Variants in NFIA observed in about 807,000 individuals in gnomAD.
NFIA encodes the protein nuclear factor 1 A-type.
In NFIA, 8 loss-of-function variants were observed where a neutral mutation model predicts 62.8. The ratio of observed to expected loss-of-function variants is 0.13; its 90% CI spans 0.07 to 0.23. The LOEUF (loss-of-function observed/expected upper bound fraction) is 0.23, where lower values mean the gene tolerates loss of function less well. NFIA is among the 10% of genes least tolerant of loss of function. The probability of loss-of-function intolerance (pLI) is 1.00; values close to 1 mark genes in which losing one functional copy is unlikely to be tolerated. For missense variants in NFIA, 410 were observed against 642.1 expected (o/e 0.64, Z 3.91); for synonymous variants, 235 against 238.1 (o/e 0.99, Z 0.12).
In NFIA at chr1:61,456,391, A is replaced by C. The variant is rs1488296303; in HGVS notation, c.*1071A>C. 4 of 152,370 alleles carry C rather than the reference A, an allele frequency of 2.6e-5. No individual in the cohort carries two copies. The highest frequency in any genetic ancestry group is 4.8e-5 in the African/African-American group (2 of 41,402). The allele number at this position is 152,370 out of a possible 1,614,324, so 9.4% of individuals were successfully genotyped here. A position where few individuals can be genotyped will look rare whatever the true frequency, so the allele number is the denominator to read the frequency against. Reference sequence around the variant, plus strand: ...AAGGAAATTAAAAAAAAAAAACAAAAAAACAAATCTAATGGTGCTTTTACC... The same window carrying C: ...AAGGAAATTAAAAAAAAAAAACAAACAAACAAATCTAATGGTGCTTTTACC... On this transcript the variant is annotated 3_prime_UTR_variant, in exon 11 of 11. Coordinates refer to ENST00000403491, the MANE Select transcript of NFIA (RefSeq NM_001134673.4).
intron 2 of NFIA, among the ~76,000 whole-genome samples, chr1:61,092,740 G>T (rs768675239): frequency 6.6e-6 from 1 of 152,144 alleles, no homozygotes; most frequent in East Asian, 1.9e-4. Context: ...TTTTGGCTTC[G>T]TGATTGCCAT....
chr1:61,430,069 T>G (rs1308344463), intron 10 of NFIA, among the ~76,000 whole-genome samples: 1 of 152,210 alleles, frequency 6.6e-6, no homozygotes, highest in Admixed American at 6.5e-5. Flanking sequence ...GTTAAGATGG[T>G]AAATGTTACA....
At chr1:61,377,716 ATATCT>A (rs1664218948) in intron 6 of NFIA, among the ~76,000 whole-genome samples, 1 of 152,178 alleles carries the variant, frequency 6.6e-6, no homozygotes, top group Non-Finnish European at 1.5e-5. Context: ...TACACCAGTT[ATATCT>A]TCTCTGACAA....
intron 2 of NFIA, among the ~76,000 whole-genome samples, chr1:61,153,795 CAAGT>C (rs1437706360): frequency 1.3e-5 from 2 of 152,188 alleles, no homozygotes; most frequent in Non-Finnish European, 2.9e-5. Flanking sequence ...ATTAGAACAT[CAAGT>C]AAGTTGTTTA....
chr1:61,336,260 A>G (rs1661601641), intron 4 of NFIA, among the ~76,000 whole-genome samples: 2 of 152,220 alleles, frequency 1.3e-5, no homozygotes, highest in African/African-American at 4.8e-5. Context: ...CATTAAAAAA[A>G]GGTTAAAACT....
At chr1:61,411,256 A>G (rs865788326) in intron 9 of NFIA, among the ~76,000 whole-genome samples, 1 of 149,068 alleles carries the variant, frequency 6.7e-6, no homozygotes, top group East Asian at 1.9e-4. Context: ...GATGTGGGGG[A>G]AAAAAAATCC....
chr1:61,205,513 G>A (rs577145248), intron 2 of NFIA, among the ~76,000 whole-genome samples: 1 of 152,284 alleles, frequency 6.6e-6, no homozygotes, highest in Non-Finnish European at 1.5e-5. Flanking sequence ...TCGGTCCAGT[G>A]TCTTCATATT....
intron 10 of NFIA, among the ~76,000 whole-genome samples, chr1:61,450,116 G>A (rs10889222): frequency 0.082 from 12,457 of 152,228 alleles, 1,165 homozygotes; most frequent in African/African-American, 0.22. Context: ...CTAGAATCTA[G>A]CCACTGCTTC....
chr1:61,404,027 G>A (rs1278043215), intron 7 of NFIA, 77 bp from the exon 8 acceptor site: 3 of 1,499,520 alleles, frequency 2.0e-6, no homozygotes, highest in Non-Finnish European at 2.7e-6. Context: ...GAGAAATAAA[G>A]GAGGAAGTTG....
At chr1:61,084,143 TA>T (rs935147363) in intron 1 of NFIA, among the ~76,000 whole-genome samples, 1 of 152,168 alleles carries the variant, frequency 6.6e-6, no homozygotes, top group Non-Finnish European at 1.5e-5. Context: ...ACCTCTCCCT[TA>T]AAAAACCTAC....
At chr1:61,401,475 G>T (rs1471502815) in intron 7 of NFIA, among the ~76,000 whole-genome samples, 1 of 152,176 alleles carries the variant, frequency 6.6e-6, no homozygotes, top group Non-Finnish European at 1.5e-5. Context: ...TTAATGAGGA[G>T]ATGACAGGGT....
chr1:61,183,618 C>A (rs532862315), intron 2 of NFIA, among the ~76,000 whole-genome samples: 2 of 152,310 alleles, frequency 1.3e-5, no homozygotes, highest in South Asian at 2.1e-4. Context: ...TCCTTTGGCC[C>A]CCACTGCAGT....
At chr1:61,089,102 C>T (rs572198410) in intron 2 of NFIA, among the ~76,000 whole-genome samples, 78 of 152,206 alleles carry the variant, frequency 5.1e-4, no homozygotes, top group Non-Finnish European at 1.0e-3. Flanking sequence ...CTACTGAGGC[C>T]TCTTGAACCC....
intron 2 of NFIA, among the ~76,000 whole-genome samples, chr1:61,238,801 T>C (rs1035557489): frequency 6.6e-6 from 1 of 152,166 alleles, no homozygotes; most frequent in African/African-American, 2.4e-5. Context: ...ATGTAAACCT[T>C]TGGTGTCTGG....
chr1:61,320,694 T>C (rs1215309862), intron 3 of NFIA, among the ~76,000 whole-genome samples: 1 of 152,128 alleles, frequency 6.6e-6, no homozygotes, highest in Non-Finnish European at 1.5e-5. Flanking sequence ...GCATGTGTCC[T>C]CAGGTGGTTT....
intron 2 of NFIA, among the ~76,000 whole-genome samples, chr1:61,164,470 G>T (rs1649430477): frequency 6.6e-6 from 1 of 151,820 alleles, no homozygotes; most frequent in Non-Finnish European, 1.5e-5. Context: ...TTGTTTGTTT[G>T]TTTTTTGGAG....
chr1:61,303,092 A>G (rs915892821), intron 3 of NFIA, among the ~76,000 whole-genome samples: 11 of 152,234 alleles, frequency 7.2e-5, no homozygotes, highest in African/African-American at 2.7e-4. Flanking sequence ...TCTAATGGCT[A>G]AATGATCTGT....
chr1:61,136,424 A>G (rs1263609650), intron 2 of NFIA, among the ~76,000 whole-genome samples: 3 of 152,212 alleles, frequency 2.0e-5, no homozygotes, highest in Non-Finnish European at 4.4e-5. Context: ...TTAATTAGAC[A>G]AATTATACGC....
chr1:61,339,519 C>T (rs992749926), intron 4 of NFIA, among the ~76,000 whole-genome samples: 1 of 152,106 alleles, frequency 6.6e-6, no homozygotes, highest in African/African-American at 2.4e-5. Context: ...TTGCCATACT[C>T]GTAGGAAGAA....
Sources: allele counts gnomAD v4.1 joint callset (sites outside exome capture counted in the v4.1 genomes callset), GRCh38; gene constraint gnomAD v4.1.1; transcripts MANE v1.5; gene names NCBI Gene and HGNC (gene_info 2026-07-23, HGNC 2026-07-21).